The following NELFB variants were observed in gnomAD, a reference collection of about 807,000 sequenced individuals.
NELFB encodes negative elongation factor B.
A neutral mutation model predicts 60.2 loss-of-function variants in NELFB; 34 were observed. That is an observed-to-expected ratio of 0.56 (90% CI 0.43 to 0.75). NELFB has a LOEUF of 0.75. Among genes scored for constraint, NELFB ranks in the 30% least tolerant of loss-of-function variants. The probability of loss-of-function intolerance (pLI) is 0.00; values close to 1 mark genes in which losing one functional copy is unlikely to be tolerated. For synonymous variants in NELFB, 459 were observed against 382.1 expected, an observed-to-expected ratio of 1.20 and a Z score of -2.35; for missense variants, 770 against 831.6, an observed-to-expected ratio of 0.93 and a Z score of 0.91.
At chr9:137,268,225 T>C (rs746024929) in intron 10 of NELFB, among the ~76,000 whole-genome samples, 1 of 151,922 alleles carries the variant, frequency 6.6e-6, no homozygotes, top group Non-Finnish European at 1.5e-5. Flanking sequence ...TCAGGCCTTG[T>C]CTGGGGTTTG....
chr9:137,258,558 C>T (rs1296657678), intron 4 of NELFB, among the ~76,000 whole-genome samples: 1 of 151,404 alleles, frequency 6.6e-6, no homozygotes, highest in African/African-American at 2.4e-5. Flanking sequence ...AAGCAATTCT[C>T]CTGCCTCGGC....
In NELFB at chr9:137,267,057, T is replaced by C. The variant is rs1462262425; in HGVS notation, c.1353T>C (p.Tyr451=). The C allele has an allele frequency of 1.9e-6, 3 of 1,614,056 alleles. No individual in the cohort carries two copies. Among genetic ancestry groups the C allele is most frequent in the South Asian group, 2.2e-5 (2 of 91,088 alleles). ...CTGAGGAGAAAGCCCCAGTCTCATA[T>C]CCAAACACACTTCCCGAAAGCTTCA... The change falls in exon 9 of 13, where the codon TAT becomes TAC. Residue 451 remains tyrosine, a synonymous_variant. Transcript: ENST00000343053.
rs372529399 is a variant in NELFB at position 137,262,870 on chromosome 9, A to G, written c.742-167A>G. 3.4e-3 allele frequency among the ~76,000 whole-genome samples: 511 copies of G among 152,354 alleles called. 1 individual carries two copies. Among genetic ancestry groups the G allele is most frequent in the African/African-American group, 0.012 (485 of 41,572 alleles). The stretch of plus-strand genomic sequence containing the variant: ...AAAAATAAAAATAACAGAACCTGCT[A>G]CCATCAGACTGGGGGCCAATATTTA... On this transcript the variant is annotated intron_variant, in intron 4 of 12. Coordinates refer to ENST00000343053, the MANE Select transcript of NELFB (RefSeq NM_015456.5).
intron 8 of NELFB, 92 bp from the exon 9 acceptor site, chr9:137,266,852 G>GT: frequency 1.3e-6 from 2 of 1,493,538 alleles, no homozygotes; most frequent in Non-Finnish European, 1.8e-6. Context: ...ATCTGGGGGA[G>GT]TGGGAGGGCC....
intron 10 of NELFB, among the ~76,000 whole-genome samples, chr9:137,271,388 C>A (rs1165308562): frequency 6.6e-6 from 1 of 152,268 alleles, no homozygotes; most frequent in East Asian, 1.9e-4. Context: ...ACGTCACCTC[C>A]ATGTGGCCTG....
intron 6 of NELFB, 30 bp downstream of exon 6, chr9:137,264,387 C>G: frequency 1.3e-6 from 2 of 1,501,900 alleles, no homozygotes; most frequent in Middle Eastern, 2.3e-4. Flanking sequence ...GGCCTCTGCC[C>G]CTCAGGGCCC....
intron 9 of NELFB, 25 bp from the exon 10 acceptor site, chr9:137,267,215 G>C (rs1830531190): frequency 1.0e-6 from 1 of 969,102 alleles, no homozygotes; most frequent in Non-Finnish European, 1.5e-6. Context: ...GGGCTGAGGT[G>C]GGGCTGATGG....
intron 4 of NELFB, 101 bp downstream of exon 4, chr9:137,257,155 A>T (rs780188430): frequency 6.4e-5 from 66 of 1,029,606 alleles, no homozygotes; most frequent in Non-Finnish European, 8.6e-5. Flanking sequence ...CCTGTGAATG[A>T]TCGGGTGGTT....
Position 137,267,146 on chromosome 9 carries a change from CA to C in NELFB, c.1382+61del, listed in dbSNP as rs1034231023. The C allele has an allele frequency of 4.9e-4, 783 of 1,612,094 alleles. 3 individuals are homozygous for C. Among genetic ancestry groups the C allele is most frequent in the Middle Eastern group, 1.2e-3 (7 of 5,800 alleles). The stretch of plus-strand genomic sequence containing the variant: ...GTGGCGCAGGGATGGCACTGTTGCC[CA>C]GGGGGCTGCCTCAGGGCTGGGCAGG... On this transcript the variant is annotated intron_variant, in intron 9 of 12. Transcript: ENST00000343053.
chr9:137,264,367 G>A lies in NELFB; in HGVS notation c.1040+10G>A, dbSNP rs374702356. On this transcript the variant is annotated intron_variant, in intron 6 of 12. Transcript: ENST00000343053. ...AGGAGCAGGTGCTGGGGTGAGGGTC[G>A]GCTCCACGAGGCCTCTGCCCCTCAG... The A allele has an allele frequency of 6.4e-5, 100 of 1,558,578 alleles. 1 individual carries two copies. Among genetic ancestry groups the A allele is most frequent in the South Asian group, 6.3e-4 (54 of 85,264 alleles).
At chr9:137,266,057 C>T (rs1564444470) in intron 7 of NELFB, 78 bp downstream of exon 7, 5 of 1,139,162 alleles carry the variant, frequency 4.4e-6, no homozygotes, top group Non-Finnish European at 5.2e-6. Flanking sequence ...AGGGTGTGGA[C>T]AGCAGCGGCC....
rs146832258 is a variant in NELFB, at chr9:137,266,629, G to C, written c.1239+203G>C. On this transcript the variant is annotated intron_variant, in intron 8 of 12. Transcript: ENST00000343053. ...CTCCGTGGACCCTGGCTGGTTCTGG[G>C]GTATCTCCATGGCCCGTGGCTGGTT... Among the ~76,000 whole-genome samples the C allele has an allele frequency of 2.0e-5, 3 of 152,158 alleles. No homozygotes were observed. The South Asian group carries it at 6.2e-4, about 32-fold the overall frequency.
rs1229676690 is a variant in NELFB at position 137,272,972 on chromosome 9, C to A, written c.*44C>A. The A allele has an allele frequency of 2.7e-6, 4 of 1,463,082 alleles. No homozygotes were observed. The highest frequency in any genetic ancestry group is 2.7e-6 in the Non-Finnish European group (3 of 1,103,700). 90.6% of individuals were successfully genotyped at this position (1,463,082 alleles called of 1,614,324 possible). On this transcript the variant is annotated 3_prime_UTR_variant, in exon 13 of 13. Coordinates refer to ENST00000343053, the MANE Select transcript of NELFB (RefSeq NM_015456.5). ...CGGGTGCTGGGGCCATGCCGAGTCGCGGCCCTGCTCAGCCGGAAGAGGCTC... is the reference window on the plus strand; with the variant it reads ...CGGGTGCTGGGGCCATGCCGAGTCGAGGCCCTGCTCAGCCGGAAGAGGCTC...
intron 5 of NELFB, 51 bp downstream of exon 5, chr9:137,263,273 C>CCTCCCT (rs781251050): frequency 1.3e-6 from 2 of 1,522,100 alleles, no homozygotes; most frequent in Non-Finnish European, 1.8e-6. Flanking sequence ...GTAGTGCTGC[C>CCTCCCT]CTCCCTCCCT....
At chr9:137,266,120 G>A (rs969647692) in intron 7 of NELFB, 141 bp downstream of exon 7, 1 of 786,868 alleles carries the variant, frequency 1.3e-6, no homozygotes, top group Admixed American at 2.2e-5. Flanking sequence ...TGCTCTGGTG[G>A]TCGGGGATGT....
intron 1 of NELFB, 30 bp downstream of exon 1, chr9:137,255,641 C>CA: frequency 6.5e-7 from 1 of 1,530,100 alleles, no homozygotes; most frequent in Non-Finnish European, 8.8e-7. Flanking sequence ...GGGGGGAGCC[C>CA]AGTTGGAGGG....
In NELFB at chr9:137,256,004, A is replaced by G; in HGVS notation, c.344A>G (p.Asp115Gly). 6.2e-7 allele frequency: 1 copy of G among 1,613,836 alleles called. No individual in the cohort carries two copies. Among genetic ancestry groups the G allele is most frequent in the Admixed American group, 1.7e-5 (1 of 60,020 alleles). ...CTGGAGTTCCACCAGTCGGTATTCG[A>G]TGAGCTGCGGGACAAGCTGCTGGAG... Residue 115 changes from aspartate (D) to glycine (G), a missense_variant, in exon 2 of 13, where the codon GAT becomes GGT. By Grantham distance (94) the Asp-to-Gly change is moderately conservative (BLOSUM62 -1). Coordinates refer to ENST00000343053, the MANE Select transcript of NELFB (RefSeq NM_015456.5).
chr9:137,263,346 C>T, intron 5 of NELFB, 124 bp downstream of exon 5: 2 of 610,224 alleles, frequency 3.3e-6, no homozygotes, highest in East Asian at 3.8e-5. Flanking sequence ...GTAGCGCTGC[C>T]CTCCCTCCCT....
Position 137,269,179 on chromosome 9 carries a change from A to G in NELFB, c.1489+1833A>G, listed in dbSNP as rs1396906773. Among the ~76,000 whole-genome samples the G allele has an allele frequency of 6.6e-6, 1 of 151,982 alleles. No homozygotes were observed. The highest frequency in any genetic ancestry group is 1.5e-5 in the Non-Finnish European group (1 of 67,966). On this transcript the variant is annotated intron_variant, in intron 10 of 12. Transcript: ENST00000343053. The surrounding 1 kb of genome is among the most constrained non-coding windows in gnomAD (Gnocchi z 5.3). The stretch of plus-strand genomic sequence containing the variant: ...TCCAGCTTTCTTTGTGGAGGAAGTT[A>G]CCTGTGGGTATTAACCTGTCCCCAG...
Sources: allele counts gnomAD v4.1 joint callset (sites outside exome capture counted in the v4.1 genomes callset), GRCh38; gene constraint gnomAD v4.1.1; non-coding constraint Gnocchi (gnomAD v3.1); transcripts MANE v1.5; gene names NCBI Gene and HGNC (gene_info 2026-07-23, HGNC 2026-07-21).